Variants in NFIB observed in about 807,000 individuals in gnomAD.
NFIB encodes the protein nuclear factor I B, also known as nuclear factor 1 B-type.
NFIB carries 11 observed loss-of-function variants against 61.5 expected under a neutral mutation model. The ratio of observed to expected loss-of-function variants is 0.18; its 90% CI spans 0.11 to 0.30. The LOEUF is 0.30. Ranked by LOEUF, NFIB falls within the 10% of genes least tolerant of loss-of-function variation. The pLI is 1.00. For missense variants in NFIB, 471 were observed against 608.9 expected (o/e 0.77, Z 2.38); for synonymous variants, 260 against 216.5 (o/e 1.20, Z -1.76).
At chr9:14,210,481 A>G (rs1490379891) in intron 2 of NFIB, among the ~76,000 whole-genome samples, 1 of 152,100 alleles carries the variant, frequency 6.6e-6, no homozygotes, top group Non-Finnish European at 1.5e-5. Flanking sequence ...TTGCTTTACA[A>G]ATTGTTTTTG....
At chr9:14,407,420 G>C in the NFIB span, among the ~76,000 whole-genome samples, 1 of 152,104 alleles carries the variant, frequency 6.6e-6, no homozygotes, top group Non-Finnish European at 1.5e-5. Context: ...ATTGTGATGA[G>C]ACAAGGAGAG....
chr9:14,418,885 G>C, the NFIB span, among the ~76,000 whole-genome samples: 24 of 152,118 alleles, frequency 1.6e-4, no homozygotes, highest in Admixed American at 1.0e-3. Context: ...CTTCATCTGG[G>C]GAGCTAAAAT....
At chr9:14,406,935 G>C in the NFIB span, among the ~76,000 whole-genome samples, 1 of 152,256 alleles carries the variant, frequency 6.6e-6, no homozygotes, top group African/African-American at 2.4e-5. Flanking sequence ...AATACATATT[G>C]TTTTAAGCCA....
the NFIB span, among the ~76,000 whole-genome samples, chr9:14,484,849 G>A: frequency 2.0e-5 from 3 of 152,204 alleles, no homozygotes; most frequent in Admixed American, 2.0e-4. Context: ...AAATACCATA[G>A]ACTGGGGGGC....
intron 10 of NFIB, among the ~76,000 whole-genome samples, chr9:14,111,276 G>A (rs2037327677): frequency 6.6e-6 from 1 of 152,034 alleles, no homozygotes; most frequent in African/African-American, 2.4e-5. Context: ...ATGGACTTTA[G>A]TAATCATAAT....
chr9:14,291,601 T>C (rs111763719), intron 2 of NFIB, among the ~76,000 whole-genome samples: 22 of 152,162 alleles, frequency 1.4e-4, no homozygotes, highest in African/African-American at 3.6e-4. Flanking sequence ...CTCAGAAACA[T>C]CTCTTAAATA....
chr9:14,390,367 A>C (rs2061605628), intron 1 of NFIB, among the ~76,000 whole-genome samples: 1 of 152,236 alleles, frequency 6.6e-6, no homozygotes, highest in Admixed American at 6.5e-5. Flanking sequence ...TTTGGGGGAA[A>C]GGAATGTACA....
intron 2 of NFIB, among the ~76,000 whole-genome samples, chr9:14,223,386 T>C (rs2051955185): frequency 6.6e-6 from 1 of 152,202 alleles, no homozygotes; most frequent in Non-Finnish European, 1.5e-5. Context: ...ACTTCTCCAC[T>C]GCATTGCTTT....
At chr9:14,322,250 TTGCAGAAGGCTGTTTCTCG>T (rs1356617519) in intron 1 of NFIB, 1 of 575,476 alleles carries the variant, frequency 1.7e-6, no homozygotes, top group East Asian at 4.0e-5. Flanking sequence ...TTCCTCTCCC[TTGCAGAAGGCTGTTTCTCG>T]TGCTTGACTT....
At chr9:14,489,623 C>T in the NFIB span, among the ~76,000 whole-genome samples, 28 of 152,132 alleles carry the variant, frequency 1.8e-4, no homozygotes, top group Admixed American at 7.2e-4. Flanking sequence ...TCCTGGTTCT[C>T]CTCCATAGGG....
At chr9:14,507,603 T>C in the NFIB span, among the ~76,000 whole-genome samples, 1 of 152,208 alleles carries the variant, frequency 6.6e-6, no homozygotes, top group Non-Finnish European at 1.5e-5. Context: ...CTGTTTAAAC[T>C]GGTATTCTCC....
the NFIB span, among the ~76,000 whole-genome samples, chr9:14,519,801 T>C: frequency 6.6e-6 from 1 of 152,244 alleles, no homozygotes; most frequent in African/African-American, 2.4e-5. Flanking sequence ...TTAACTCATT[T>C]GCTCAAGTTT....
intron 1 of NFIB, among the ~76,000 whole-genome samples, chr9:14,356,947 T>A (rs2061183324): frequency 2.6e-5 from 4 of 152,194 alleles, no homozygotes; most frequent in Admixed American, 2.6e-4. Context: ...TATAGCGGAA[T>A]GTTTGGTCAG....
At chr9:14,093,392 A>G (rs2034265398) in intron 10 of NFIB, 1 of 152,088 alleles carries the variant, frequency 6.6e-6, no homozygotes, top group Non-Finnish European at 1.5e-5. Context: ...GATAGTAAAT[A>G]CTCTTTCAAG....
chr9:14,158,727 G>C (rs1196513821), intron 3 of NFIB, among the ~76,000 whole-genome samples: 1 of 152,158 alleles, frequency 6.6e-6, no homozygotes, highest in African/African-American at 2.4e-5. Context: ...TTATTCCCTA[G>C]AACTTGTTTG....
chr9:14,238,320 T>C (rs897582971), intron 2 of NFIB, among the ~76,000 whole-genome samples: 2 of 152,128 alleles, frequency 1.3e-5, no homozygotes, highest in Admixed American at 6.5e-5. Context: ...ACACAGCACC[T>C]GGAAGTCACC....
chr9:14,386,549 A>G (rs1352524806), intron 1 of NFIB, among the ~76,000 whole-genome samples: 1 of 152,192 alleles, frequency 6.6e-6, no homozygotes, highest in Non-Finnish European at 1.5e-5. Flanking sequence ...AGATGCTCAT[A>G]AAGGGGGGAG....
chr9:14,114,153 C>T (rs1711514601), intron 9 of NFIB, among the ~76,000 whole-genome samples: 1 of 152,160 alleles, frequency 6.6e-6, no homozygotes, highest in South Asian at 2.1e-4. Flanking sequence ...TAAAGGACTG[C>T]AGAATTTGAT....
intron 6 of NFIB, among the ~76,000 whole-genome samples, chr9:14,139,174 G>A (rs2041412985): frequency 6.6e-6 from 1 of 152,182 alleles, no homozygotes; most frequent in South Asian, 2.1e-4. Flanking sequence ...CTTGAACAAA[G>A]ATCTAGGCTC....
Sources: allele counts gnomAD v4.1 joint callset (sites outside exome capture counted in the v4.1 genomes callset), GRCh38; gene constraint gnomAD v4.1.1; transcripts MANE v1.5; gene names NCBI Gene and HGNC (gene_info 2026-07-23, HGNC 2026-07-21).